The following KALRN variants were observed in gnomAD, a reference collection of about 807,000 sequenced individuals.
KALRN encodes the protein kalirin RhoGEF kinase, also known as kalirin.
KALRN carries 70 observed loss-of-function variants against 353.7 expected under a neutral mutation model. The observed-to-expected ratio is 0.20, with a 90% CI of 0.16 to 0.24. The LOEUF (loss-of-function observed/expected upper bound fraction) is 0.24, where lower values mean the gene tolerates loss of function less well. KALRN is among the 10% of genes least tolerant of loss of function. The probability of loss-of-function intolerance (pLI) is 1.00; values close to 1 mark genes in which losing one functional copy is unlikely to be tolerated. For missense variants in KALRN, 2,791 were observed against 3,756.7 expected (o/e 0.74, Z 6.72); for synonymous variants, 1,391 against 1,434.8 (o/e 0.97, Z 0.69).
At chr3:124,194,233 G>A (rs1170897393) in intron 1 of KALRN, among the ~76,000 whole-genome samples, 1 of 152,194 alleles carries the variant, frequency 6.6e-6, no homozygotes, top group Non-Finnish European at 1.5e-5. Flanking sequence ...AAGAGGGAGC[G>A]ATCGATGTGG....
chr3:124,208,439 T>C (rs2076606867), intron 1 of KALRN, among the ~76,000 whole-genome samples: 1 of 152,200 alleles, frequency 6.6e-6, no homozygotes, highest in South Asian at 2.1e-4. Flanking sequence ...AAAGAGCTTG[T>C]ATATACTTTT....
rs1553934396 is a variant in KALRN at position 124,372,906 on chromosome 3, C to CAGTTTCAGTGGTAGATTAGT, written c.1771-11939_1771-11938insAGTTTCAGTGGTAGATTAGT. 9.9e-5 allele frequency among the ~76,000 whole-genome samples: 15 copies of CAGTTTCAGTGGTAGATTAGT among 151,788 alleles called. 1 individual carries two copies. Among genetic ancestry groups the CAGTTTCAGTGGTAGATTAGT allele is most frequent in the Non-Finnish European group, 2.1e-4 (14 of 67,970 alleles). ...GCTTTGAGCCCTTCCCTTGGATGAG[C>CAGTTTCAGTGGTAGATTAGT]GGTTTCAATGGTAGATGAGTGGCTA... On this transcript the variant is annotated intron_variant, in intron 10 of 59. Coordinates refer to ENST00000682506, the MANE Select transcript of KALRN (RefSeq NM_001388419.1).
At chr3:124,385,636 AGGAAGCTGGCT>A (rs1302037236) in intron 11 of KALRN, among the ~76,000 whole-genome samples, 1 of 152,200 alleles carries the variant, frequency 6.6e-6, no homozygotes, top group African/African-American at 2.4e-5. Context: ...CCCTCCACCA[AGGAAGCTGGCT>A]GGGCTTGAAG....
At chr3:124,458,965 T>C (rs1281163557) in intron 23 of KALRN, among the ~76,000 whole-genome samples, 1 of 152,042 alleles carries the variant, frequency 6.6e-6, no homozygotes, top group Non-Finnish European at 1.5e-5. Context: ...GAAAATCTTA[T>C]GGAATATAAT....
intron 1 of KALRN, among the ~76,000 whole-genome samples, chr3:124,206,244 G>C (rs2076398767): frequency 6.6e-6 from 1 of 152,138 alleles, no homozygotes; most frequent in South Asian, 2.1e-4. Flanking sequence ...CAGTAGCTTT[G>C]CTCATAGGGC....
chr3:124,594,648 G>A (rs888653153), intron 34 of KALRN, among the ~76,000 whole-genome samples: 2 of 152,212 alleles, frequency 1.3e-5, no homozygotes, highest in Admixed American at 1.3e-4. Context: ...GAAGAGTCCT[G>A]GGTTAAGAAA....
intron 1 of KALRN, among the ~76,000 whole-genome samples, chr3:124,077,704 C>T (rs774689069): frequency 1.4e-4 from 21 of 152,228 alleles, no homozygotes; most frequent in Non-Finnish European, 2.1e-4. Context: ...CCAATCTATT[C>T]TCCCCATTAC....
intron 34 of KALRN, among the ~76,000 whole-genome samples, chr3:124,604,915 G>A (rs113122720): frequency 0.046 from 7,001 of 152,124 alleles, 196 homozygotes; most frequent in Middle Eastern, 0.078. Flanking sequence ...CAGCACTTTG[G>A]GAGGCCAAGG....
chr3:124,364,705 C>T (rs72978425), intron 10 of KALRN, among the ~76,000 whole-genome samples: 1,727 of 152,238 alleles, frequency 0.011, 24 homozygotes, highest in African/African-American at 0.038. Context: ...AGGTCTCCTT[C>T]CTCTTGTCTT....
chr3:124,129,653 T>TGTTGTAAAGAAGACCAGAG (rs2065064437), intron 1 of KALRN, among the ~76,000 whole-genome samples: 1 of 152,216 alleles, frequency 6.6e-6, no homozygotes, highest in Admixed American at 6.5e-5. Flanking sequence ...CTTGGTCTTC[T>TGTTGTAAAGAAGACCAGAG]GTTGTAAAGA....
At chr3:124,128,234 G>A (rs959705972) in intron 1 of KALRN, among the ~76,000 whole-genome samples, 3 of 152,156 alleles carry the variant, frequency 2.0e-5, no homozygotes, top group African/African-American at 7.2e-5. Context: ...ACATTTATCA[G>A]TGGAATAAGA....
At position 124,413,603 on chromosome 3, in the gene KALRN, C is replaced by T. The variant is rs776598696; in HGVS notation, c.2480C>T (p.Thr827Ile). Residue 827 changes from threonine to isoleucine, a missense_variant, in exon 14 of 60, where the codon ACC (threonine) becomes ATC (isoleucine). By Grantham distance (89) the Thr-to-Ile change is moderately conservative (BLOSUM62 -1). Around this residue, in one of 11 missense-constraint regions of KALRN, gnomAD observed 452 missense variants for 575.8 expected, o/e 0.78. Transcript: ENST00000682506. ...CGGAAGCTAGCCATGAACAACATGA[C>T]CTTTGAGGTTATCCAGCAGGGACAG... is the stretch of plus-strand genomic sequence containing the variant. ...TERKLAMNNM[T>I]FEVIQQGQDL... 12 of 1,613,974 alleles carry T rather than the reference C, an allele frequency of 7.4e-6. No homozygotes were observed. The highest frequency in any genetic ancestry group is 9.3e-6 in the Non-Finnish European group (11 of 1,180,018).
At chr3:124,076,142 G>C (rs1459808199) in intron 1 of KALRN, among the ~76,000 whole-genome samples, 1 of 152,214 alleles carries the variant, frequency 6.6e-6, no homozygotes, top group Non-Finnish European at 1.5e-5. Flanking sequence ...TTTCTAAGGA[G>C]CCCAATTGGG....
At chr3:124,247,642 G>A in intron 3 of KALRN, among the ~76,000 whole-genome samples, 1 of 152,120 alleles carries the variant, frequency 6.6e-6, no homozygotes, top group East Asian at 1.9e-4. Flanking sequence ...CTTATCTCTT[G>A]GAGCTCCCAC....
chr3:124,525,130 T>G (rs937370923), intron 33 of KALRN, among the ~76,000 whole-genome samples: 1 of 152,220 alleles, frequency 6.6e-6, no homozygotes, highest in Non-Finnish European at 1.5e-5. Context: ...TATCCAGGCT[T>G]ACTAATGACC....
At chr3:124,227,889 C>T (rs2078748757) in intron 1 of KALRN, 101 bp from the exon 2 acceptor site, 1 of 945,230 alleles carries the variant, frequency 1.1e-6, no homozygotes, top group East Asian at 2.4e-5. Flanking sequence ...CAAGGCAGGA[C>T]TTGCCGGCTG....
rs192084621 is a variant in KALRN, at chr3:124,464,528, C to T, written c.4031+1895C>T. On this transcript the variant is annotated intron_variant, in intron 25 of 59. Coordinates refer to ENST00000682506, the MANE Select transcript of KALRN (RefSeq NM_001388419.1). ...AAAATCAAATTAAACCATAGAGAATCTCGCATGCTGTAAATCGAGGAATAA... is the reference window on the plus strand; with the variant it reads ...AAAATCAAATTAAACCATAGAGAATTTCGCATGCTGTAAATCGAGGAATAA... Among the ~76,000 whole-genome samples the T allele has an allele frequency of 1.1e-4, 16 of 152,220 alleles. 1 individual carries two copies. In the East Asian group the frequency reaches 2.1e-3, roughly 20 times the overall value.
chr3:124,167,732 A>G (rs1019761553), intron 1 of KALRN, among the ~76,000 whole-genome samples: 1 of 152,216 alleles, frequency 6.6e-6, no homozygotes, highest in Non-Finnish European at 1.5e-5. Context: ...GATGCCATAG[A>G]GTGTGTTCTC....
chr3:124,130,973 G>A (rs1560032010), intron 1 of KALRN, among the ~76,000 whole-genome samples: 1 of 152,200 alleles, frequency 6.6e-6, no homozygotes, highest in African/African-American at 2.4e-5. Context: ...AAGGGGGCAT[G>A]AGGGAGCCTT....
Sources: allele counts gnomAD v4.1 joint callset (sites outside exome capture counted in the v4.1 genomes callset), GRCh38; gene constraint gnomAD v4.1.1; regional missense constraint gnomAD v4.1.1; transcripts MANE v1.5; gene names NCBI Gene and HGNC (gene_info 2026-07-23, HGNC 2026-07-21).